Variants in PHKA1 observed in about 807,000 individuals in gnomAD.
PHKA1 encodes phosphorylase kinase regulatory subunit alpha 1, also known as phosphorylase b kinase regulatory subunit alpha, skeletal muscle isoform.
A neutral mutation model predicts 110.2 loss-of-function variants in PHKA1; 60 were observed. That is an observed-to-expected ratio of 0.54 (90% CI 0.44 to 0.68). PHKA1 has a LOEUF of 0.68. Among genes scored for constraint, PHKA1 ranks in the 30% least tolerant of loss-of-function variants. The probability of loss-of-function intolerance (pLI) is 0.00; values close to 1 mark genes in which losing one functional copy is unlikely to be tolerated. For missense variants in PHKA1, 801 were observed against 942.5 expected, an observed-to-expected ratio of 0.85 and a Z score of 1.97; for synonymous variants, 316 against 333.6, an observed-to-expected ratio of 0.95 and a Z score of 0.58.
At chrX:72,694,085 A>C (rs1315153766) in intron 4 of PHKA1, among the ~76,000 whole-genome samples, 1 of 111,940 alleles carries the variant, frequency 8.9e-6, no homozygotes, top group African/African-American at 3.2e-5. Context: ...GTTGCAGTCA[A>C]GTTCTGTCTA....
chrX:72,652,446 A>G, intron 12 of PHKA1, 98 bp downstream of exon 12: 1 of 565,549 alleles, frequency 1.8e-6, no homozygotes, highest in Non-Finnish European at 3.1e-6. Context: ...TGCAAAAGGC[A>G]GAAGACATCC....
intron 4 of PHKA1, among the ~76,000 whole-genome samples, chrX:72,690,466 G>C (rs782163656): frequency 3.6e-5 from 4 of 110,902 alleles, no homozygotes; most frequent in Non-Finnish European, 5.7e-5. Context: ...TAACCCAATA[G>C]GGCTGCCGTC....
Position 72,615,259 on chromosome X carries a change from T to C in PHKA1, c.2369+3451A>G, listed in dbSNP as rs183319667. 2.6e-3 allele frequency among the ~76,000 whole-genome samples: 292 copies of C among 110,948 alleles called. 1 individual carries two copies. Among genetic ancestry groups the C allele is most frequent in the African/African-American group, 9.0e-3 (274 of 30,492 alleles). ...GTTTTACAAGAAATGCTAAAGGGAG[T>C]TCTTCAAGATGAAAGAAAAAGACAT... On this transcript the variant is annotated intron_variant, in intron 21 of 31. Transcript: ENST00000373542.
At chrX:72,680,650 C>CG (rs2053838686) in intron 5 of PHKA1, among the ~76,000 whole-genome samples, 1 of 109,120 alleles carries the variant, frequency 9.2e-6, no homozygotes, top group Non-Finnish European at 1.9e-5. Flanking sequence ...CGCTGCGCTG[C>CG]GGCCCGGGGC....
At chrX:72,675,039 T>A (rs1227981238) in intron 6 of PHKA1, among the ~76,000 whole-genome samples, 2 of 104,368 alleles carry the variant, frequency 1.9e-5, no homozygotes, top group African/African-American at 7.0e-5. Context: ...AAAAAAAAAA[T>A]TAGCTGGGCA....
intron 28 of PHKA1, among the ~76,000 whole-genome samples, chrX:72,598,447 T>G (rs1160031336): frequency 1.8e-5 from 2 of 111,750 alleles, no homozygotes; most frequent in Non-Finnish European, 3.8e-5. Context: ...TGTCTGGCAG[T>G]TCTTCAGAAT....
chrX:72,660,639 A>G (rs1272564674), intron 8 of PHKA1: 2 of 352,900 alleles, frequency 5.7e-6, no homozygotes, highest in Non-Finnish European at 1.1e-5. Flanking sequence ...AAGAATACTC[A>G]TTGCAGCAGC....
chrX:72,629,974 C>T (rs1556285880), intron 16 of PHKA1, among the ~76,000 whole-genome samples: 1 of 112,320 alleles, frequency 8.9e-6, no homozygotes, highest in Non-Finnish European at 1.9e-5. Flanking sequence ...AATATTTCTT[C>T]TACATACTTT....
chrX:72,615,543 T>C (rs782261908), intron 21 of PHKA1, among the ~76,000 whole-genome samples: 11 of 110,933 alleles, frequency 9.9e-5, no homozygotes, highest in Non-Finnish European at 2.1e-4. Flanking sequence ...GTAATCATAG[T>C]TAAATTGTTA....
At chrX:72,621,899 G>C (rs2052984683) in intron 18 of PHKA1, 1 of 750,672 alleles carries the variant, frequency 1.3e-6, no homozygotes. Context: ...AAGTGACTCA[G>C]AATGCCATAA....
chrX:72,636,176 C>T, intron 15 of PHKA1, 101 bp downstream of exon 15: 1 of 545,161 alleles, frequency 1.8e-6, no homozygotes, highest in East Asian at 3.6e-5. Context: ...CCTGGTGGAA[C>T]TCTTTGACAC....
rs1015048693 is a variant in PHKA1, at chrX:72,596,455, T to C, written c.3073-3181A>G. Among the ~76,000 whole-genome samples the C allele has an allele frequency of 6.3e-5, 7 of 111,604 alleles. No individual in the cohort carries two copies. In the Admixed American group the frequency reaches 6.7e-4, roughly 11 times the overall value. ...AGGATAGATCTCATGTTAAATGTCTTACTATAATAAAAAAATTAGTTGTAT... is the reference window on the plus strand; with the variant it reads ...AGGATAGATCTCATGTTAAATGTCTCACTATAATAAAAAAATTAGTTGTAT... On this transcript the variant is annotated intron_variant, in intron 28 of 31. Coordinates refer to ENST00000373542, the MANE Select transcript of PHKA1 (RefSeq NM_002637.4).
Position 72,684,350 on chromosome X carries a change from TAAAG to T in PHKA1, c.537+144_537+147del. ...GAAGACACAGGATGACAGGTCTTAA[TAAAG>T]AAAGAGGCTAAAGACAATTTCTGCC... On this transcript the variant is annotated intron_variant, in intron 5 of 31. Coordinates refer to ENST00000373542, the MANE Select transcript of PHKA1 (RefSeq NM_002637.4). 8.5e-6 allele frequency: 4 copies of T among 468,826 alleles called. No homozygotes were observed. In the South Asian group the frequency reaches 1.2e-4, roughly 15 times the overall value. The allele number at this position is 468,826 out of a possible 1,213,427, so 38.6% of individuals were successfully genotyped here.
chrX:72,599,811 G>C, intron 28 of PHKA1: 1 of 549,032 alleles, frequency 1.8e-6, no homozygotes, highest in Non-Finnish European at 3.3e-6. Context: ...GATCACAGCA[G>C]TTACCATAAA....
At chrX:72,662,690 C>T (rs5958812) in intron 8 of PHKA1, among the ~76,000 whole-genome samples, 4,340 of 111,574 alleles carry the variant, frequency 0.039, 201 homozygotes, top group African/African-American at 0.13. Context: ...ACCCCAGGCC[C>T]GGAAATCAGT....
intron 17 of PHKA1, among the ~76,000 whole-genome samples, chrX:72,625,580 G>C (rs1455257112): frequency 9.0e-6 from 1 of 111,548 alleles, no homozygotes; most frequent in Non-Finnish European, 1.9e-5. Context: ...ATGAACATAT[G>C]CATGTGTCTC....
chrX:72,584,402 C>G (rs2052384404), intron 29 of PHKA1, 100 bp from the exon 30 acceptor site: 4 of 768,191 alleles, frequency 5.2e-6, no homozygotes, highest in Non-Finnish European at 8.0e-6. Flanking sequence ...CTAAGTGTGC[C>G]TCATGTGGTA....
At chrX:72,644,735 T>C (rs1484842313) in intron 13 of PHKA1, among the ~76,000 whole-genome samples, 1 of 111,928 alleles carries the variant, frequency 8.9e-6, no homozygotes, top group Non-Finnish European at 1.9e-5. Flanking sequence ...TAAATACTTA[T>C]GTGCTCCTAG....
At position 72,605,522 on chromosome X, in the gene PHKA1, C is replaced by T; in HGVS notation, c.2685+19G>A. On this transcript the variant is annotated intron_variant, in intron 24 of 31. Transcript: ENST00000373542. ...TTTAAAATATCAGTCACCAGATTAG[C>T]CTTTACAATTCTTCTCACCTGTGTA... The T allele has an allele frequency of 8.5e-7, 1 of 1,182,843 alleles. No individual in the cohort carries two copies. Among genetic ancestry groups the T allele is most frequent in the East Asian group, 3.0e-5 (1 of 33,767 alleles).
Sources: allele counts gnomAD v4.1 joint callset (sites outside exome capture counted in the v4.1 genomes callset), GRCh38; gene constraint gnomAD v4.1.1; transcripts MANE v1.5; gene names NCBI Gene and HGNC (gene_info 2026-07-23, HGNC 2026-07-21).